The following CDKAL1 variants were observed in gnomAD, a reference collection of about 807,000 sequenced individuals.
CDKAL1 encodes CDKAL1 threonylcarbamoyladenosine tRNA methylthiotransferase, also known as threonylcarbamoyladenosine tRNA methylthiotransferase.
In CDKAL1, 32 loss-of-function variants were observed where a neutral mutation model predicts 68.2. The observed-to-expected ratio is 0.47, with a 90% CI of 0.35 to 0.63. The LOEUF (loss-of-function observed/expected upper bound fraction) is 0.63. CDKAL1 is among the 30% of genes least tolerant of loss of function. The pLI, the probability that CDKAL1 is intolerant of heterozygous loss-of-function variation, is 0.00. For synonymous variants in CDKAL1, 234 were observed against 244.3 expected, an observed-to-expected ratio of 0.96 and a Z score of 0.39; for missense variants, 606 against 696.7, an observed-to-expected ratio of 0.87 and a Z score of 1.47.
chr6:20,743,641 C>T (rs1358746262), intron 6 of CDKAL1, among the ~76,000 whole-genome samples: 3 of 152,132 alleles, frequency 2.0e-5, no homozygotes, highest in Non-Finnish European at 4.4e-5. Context: ...TTATTATCAT[C>T]TGTCCCACTC....
intron 11 of CDKAL1, among the ~76,000 whole-genome samples, chr6:21,043,711 T>A (rs1770064472): frequency 6.6e-6 from 1 of 152,238 alleles, no homozygotes; most frequent in Admixed American, 6.5e-5. Flanking sequence ...TCGGTTTATT[T>A]ATGTTAACAT....
chr6:20,734,863 CTTTTTTT>C (rs34104100), intron 5 of CDKAL1, among the ~76,000 whole-genome samples: 8,274 of 87,780 alleles, frequency 0.094, 358 homozygotes, highest in Middle Eastern at 0.19. Context: ...TGCTGCACCT[CTTTTTTT>C]TTTTTTTTTT....
intron 9 of CDKAL1, among the ~76,000 whole-genome samples, chr6:20,872,239 C>T (rs1052815256): frequency 2.0e-4 from 31 of 152,256 alleles, no homozygotes; most frequent in African/African-American, 7.2e-4. Context: ...TTCATTATTA[C>T]TCTGAATAAG....
chr6:20,548,516 G>C, intron 3 of CDKAL1, 77 bp from the exon 4 acceptor site: 2 of 740,204 alleles, frequency 2.7e-6, no homozygotes, highest in Non-Finnish European at 4.8e-6. Context: ...CTGGGCAACA[G>C]AGCAAGACCC....
At chr6:21,001,246 G>T (rs116463265) in intron 11 of CDKAL1, among the ~76,000 whole-genome samples, 191 of 151,748 alleles carry the variant, frequency 1.3e-3, no homozygotes, top group Middle Eastern at 3.4e-3. Context: ...TATTTCCATC[G>T]TCTTGTTTAT....
At chr6:20,973,214 T>C (rs1463940563) in intron 10 of CDKAL1, among the ~76,000 whole-genome samples, 1 of 152,204 alleles carries the variant, frequency 6.6e-6, no homozygotes, top group Non-Finnish European at 1.5e-5. Context: ...TCAAGAGTTA[T>C]CAGCTATAAT....
rs1407903125 is a variant in CDKAL1, at chr6:20,831,045, C to T, written c.639-15030C>T. 2.0e-5 allele frequency among the ~76,000 whole-genome samples: 3 copies of T among 151,814 alleles called. No homozygotes were observed. In the East Asian group the frequency reaches 5.8e-4, roughly 29 times the overall value. On this transcript the variant is annotated intron_variant, in intron 8 of 15. Transcript: ENST00000274695. ...TTTTATATAGTCTCTATATTACGTC[C>T]ACCCTATAATATTAGGTTGGTGTAC...
intron 5 of CDKAL1, among the ~76,000 whole-genome samples, chr6:20,707,796 A>G (rs115156767): frequency 3.3e-4 from 51 of 152,324 alleles, no homozygotes; most frequent in Admixed American, 3.3e-3. Context: ...AAATATTTGT[A>G]AATTGAATAA....
At chr6:20,606,095 C>T (rs781694978) in intron 4 of CDKAL1, among the ~76,000 whole-genome samples, 7 of 152,084 alleles carry the variant, frequency 4.6e-5, no homozygotes, top group Admixed American at 3.9e-4. Context: ...TCTCAGGGGT[C>T]ACTGTTCTGC....
chr6:21,134,444 T>C (rs1393927629), intron 13 of CDKAL1, among the ~76,000 whole-genome samples: 1 of 152,234 alleles, frequency 6.6e-6, no homozygotes, highest in East Asian at 1.9e-4. Flanking sequence ...GTTTTATTAA[T>C]TATGTTTTGT....
intron 4 of CDKAL1, among the ~76,000 whole-genome samples, chr6:20,616,875 A>ACG (rs1347427497): frequency 6.6e-6 from 1 of 150,746 alleles, no homozygotes; most frequent in East Asian, 1.9e-4. Flanking sequence ...ACACACACAC[A>ACG]CACACACTAC....
chr6:20,914,271 C>T, intron 9 of CDKAL1, among the ~76,000 whole-genome samples: 1 of 152,186 alleles, frequency 6.6e-6, no homozygotes, highest in East Asian at 1.9e-4. Context: ...GCCTGGGTGA[C>T]AGAGTGAGAC....
At chr6:21,097,767 G>C (rs1174082136) in intron 12 of CDKAL1, among the ~76,000 whole-genome samples, 1 of 152,126 alleles carries the variant, frequency 6.6e-6, no homozygotes, top group Non-Finnish European at 1.5e-5. Flanking sequence ...TTCATGCCTC[G>C]AATATAAATT....
At chr6:21,125,552 A>G (rs1774961355) in intron 13 of CDKAL1, among the ~76,000 whole-genome samples, 1 of 152,062 alleles carries the variant, frequency 6.6e-6, no homozygotes. Flanking sequence ...CTTGCCTGTA[A>G]TCCCAGCTAC....
intron 5 of CDKAL1, among the ~76,000 whole-genome samples, chr6:20,730,361 T>A (rs1213856574): frequency 4.4e-5 from 5 of 113,564 alleles, no homozygotes; most frequent in South Asian, 2.8e-4. Flanking sequence ...GAAAGAAAGA[T>A]AGATAGATGG....
At chr6:20,784,386 T>G (rs1023028226) in intron 8 of CDKAL1, among the ~76,000 whole-genome samples, 2 of 149,220 alleles carry the variant, frequency 1.3e-5, no homozygotes, top group Non-Finnish European at 3.0e-5. Flanking sequence ...TTTTTAAGTG[T>G]TTTTTTTCTT....
chr6:20,947,302 A>G (rs970464452), intron 9 of CDKAL1, among the ~76,000 whole-genome samples: 6 of 152,232 alleles, frequency 3.9e-5, no homozygotes, highest in African/African-American at 1.4e-4. Context: ...TTGAAAATGC[A>G]TTTAAAGGCC....
chr6:20,748,555 GAAAAAAAAAAAAAAAAAAAAAAAAA>G (rs760404728), intron 6 of CDKAL1, among the ~76,000 whole-genome samples: 2,165 of 28,868 alleles, frequency 0.075, 100 homozygotes, highest in African/African-American at 0.18. Context: ...TCTGTTTCTG[GAAAAAAAAAAAAAAAAAAAAAAAAA>G]AAAAAAAAAA....
At chr6:20,799,075 G>A (rs1213591837) in intron 8 of CDKAL1, among the ~76,000 whole-genome samples, 6 of 22,292 alleles carry the variant, frequency 2.7e-4, no homozygotes, top group Non-Finnish European at 5.4e-4. Context: ...TTTTTGAGAC[G>A]GAGTTTTGCT....
Sources: gnomAD v4.1 joint callset for allele counts (sites outside exome capture counted in the v4.1 genomes callset) on GRCh38, gnomAD v4.1.1 for gene constraint, MANE v1.5 for transcripts, NCBI Gene and HGNC (gene_info 2026-07-23, HGNC 2026-07-21) for gene names.